The following ACSL3 variants were observed in gnomAD, a reference collection of about 807,000 sequenced individuals.
ACSL3 encodes fatty acid CoA ligase Acsl3.
In ACSL3, 34 loss-of-function variants were observed where a neutral mutation model predicts 84.7. That is an observed-to-expected ratio of 0.40 (90% CI 0.31 to 0.53). The LOEUF is 0.53. Ranked by LOEUF, ACSL3 falls within the 20% of genes least tolerant of loss-of-function variation. The pLI is 0.48. For synonymous variants in ACSL3, 315 were observed against 299.4 expected (o/e 1.05, Z -0.54); for missense variants, 680 against 873.1 (o/e 0.78, Z 2.79).
intron 4 of ACSL3, among the ~76,000 whole-genome samples, chr2:222,911,292 G>A (rs1452221431): frequency 3.9e-5 from 6 of 152,108 alleles, no homozygotes; most frequent in South Asian, 2.1e-4. Context: ...CAGGTGATCC[G>A]CCCACCTCGG....
At chr2:222,866,078 A>G (rs1444938175) in intron 1 of ACSL3, among the ~76,000 whole-genome samples, 1 of 152,216 alleles carries the variant, frequency 6.6e-6, no homozygotes, top group Non-Finnish European at 1.5e-5. Context: ...AATAAGGATA[A>G]TAGCCAACAC....
intron 16 of ACSL3, 61 bp downstream of exon 16, chr2:222,934,748 T>G: frequency 6.5e-7 from 1 of 1,544,600 alleles, no homozygotes; most frequent in Non-Finnish European, 8.8e-7. Context: ...TTACATGCAT[T>G]CAACCTGTTT....
rs754373676 is a variant in ACSL3, at chr2:222,941,596, G to A, written c.2105G>A (p.Arg702His). 3 of 1,613,208 alleles carry A rather than the reference G, an allele frequency of 1.9e-6. No homozygotes were observed. The highest frequency in any genetic ancestry group is 2.5e-6 in the Non-Finnish European group (3 of 1,179,744). ...GLVTDAFKLK[R>H]KELKTHYQAD... ...GTGACAGATGCCTTCAAGCTGAAAC[G>A]CAAAGAGCTTAAAACACATTACCAG... The change falls in exon 17 of 17, where the codon CGC becomes CAC. Residue 702 changes from arginine to histidine, a missense_variant. Transcript: ENST00000357430.
At chr2:222,922,944 GC>G in intron 9 of ACSL3, 113 bp downstream of exon 9, 1 of 1,453,340 alleles carries the variant, frequency 6.9e-7, no homozygotes, top group South Asian at 1.2e-5. Flanking sequence ...TTTAAAATGA[GC>G]TTTAGCCTTT....
chr2:222,867,848 T>C (rs1191011374), intron 1 of ACSL3, among the ~76,000 whole-genome samples: 1 of 152,152 alleles, frequency 6.6e-6, no homozygotes, highest in Non-Finnish European at 1.5e-5. Flanking sequence ...TGTCTCGGCC[T>C]TCCTCTAATC....
At position 222,927,300 on chromosome 2, in the gene ACSL3, G is replaced by C. The variant is rs1053820521; in HGVS notation, c.1465+111G>C. The stretch of plus-strand genomic sequence containing the variant: ...AGAGTAGTAAGGTGTTTGTGAGGCA[G>C]AATAATGGTGGATTCCAAGTACTAT... On this transcript the variant is annotated intron_variant, in intron 12 of 16. Coordinates refer to ENST00000357430, the MANE Select transcript of ACSL3 (RefSeq NM_004457.5). 6 of 1,068,496 alleles carry C rather than the reference G, an allele frequency of 5.6e-6. No individual in the cohort carries two copies. In the African/African-American group the frequency reaches 7.9e-5, roughly 14 times the overall value. 66.2% of individuals were successfully genotyped at this position (1,068,496 alleles called of 1,614,324 possible).
At position 222,906,922 on chromosome 2, in the gene ACSL3, G is replaced by GT. The variant is rs565505453; in HGVS notation, c.-40-1806dup. 1.8e-4 allele frequency among the ~76,000 whole-genome samples: 28 copies of GT among 152,292 alleles called. No individual in the cohort carries two copies. The South Asian group carries it at 5.8e-3, about 32-fold the overall frequency. ...ATTGCTTACCACCAATGTCTGTGTT[G>GT]TTTTTGACAGTGCCATTAGGCATGA... On this transcript the variant is annotated intron_variant, in intron 3 of 16. Transcript: ENST00000357430.
intron 2 of ACSL3, among the ~76,000 whole-genome samples, chr2:222,888,924 G>A (rs911969571): frequency 2.6e-5 from 4 of 152,096 alleles, no homozygotes; most frequent in African/African-American, 7.2e-5. Flanking sequence ...AGGGATATAC[G>A]TGATCAAATT....
rs752633642 is a variant in ACSL3 at position 222,919,156 on chromosome 2, G to C, written c.759G>C (p.Val253=). The C allele has an allele frequency of 1.2e-6, 2 of 1,614,142 alleles. No homozygotes were observed. Among genetic ancestry groups the C allele is most frequent in the Non-Finnish European group, 1.7e-6 (2 of 1,180,016 alleles). The change falls in exon 7 of 17, where the codon GTG becomes GTC. Residue 253 remains valine, a synonymous_variant. Transcript: ENST00000357430. ...TWSEFPKGII[V]HTMAAVEALG... ...CCGAGTTCCCCAAGGGCATCATTGT[G>C]CATACCATGGCTGCAGTGGAGGCCC...
chr2:222,932,486 G>A (rs1200637065), intron 14 of ACSL3, among the ~76,000 whole-genome samples: 2 of 152,032 alleles, frequency 1.3e-5, no homozygotes, highest in Non-Finnish European at 1.5e-5. Context: ...GCACCACCAC[G>A]CCCAGCTAGT....
intron 3 of ACSL3, among the ~76,000 whole-genome samples, chr2:222,901,851 A>G (rs1696159543): frequency 6.6e-6 from 1 of 150,808 alleles, no homozygotes; most frequent in South Asian, 2.1e-4. Context: ...AGGCTGAGGC[A>G]GGAGAATCAC....
chr2:222,928,110 CTTTCA>C (rs1696929184), intron 12 of ACSL3, among the ~76,000 whole-genome samples: 1 of 152,064 alleles, frequency 6.6e-6, no homozygotes, highest in South Asian at 2.1e-4. Context: ...AAATATCAGC[CTTTCA>C]TTTCTGATAT....
At chr2:222,866,795 A>G (rs924437483) in intron 1 of ACSL3, among the ~76,000 whole-genome samples, 2 of 99,984 alleles carry the variant, frequency 2.0e-5, no homozygotes, top group East Asian at 7.2e-4. Flanking sequence ...GGAAATCATA[A>G]GGAAATTGAG....
At chr2:222,914,366 TG>T (rs1696522683) in intron 4 of ACSL3, among the ~76,000 whole-genome samples, 1 of 151,770 alleles carries the variant, frequency 6.6e-6, no homozygotes, top group Admixed American at 6.6e-5. Flanking sequence ...TGGGGTCAGG[TG>T]ATCCTTTTGC....
chr2:222,939,232 G>C (rs922045567), intron 16 of ACSL3, among the ~76,000 whole-genome samples: 8 of 151,998 alleles, frequency 5.3e-5, no homozygotes, highest in Admixed American at 2.0e-4. Flanking sequence ...ACCTTTCTCT[G>C]TCTTACAGTC....
At chr2:222,886,822 A>G (rs535219268) in intron 1 of ACSL3, among the ~76,000 whole-genome samples, 7 of 152,174 alleles carry the variant, frequency 4.6e-5, no homozygotes, top group African/African-American at 1.7e-4. Context: ...GATTTCTCAT[A>G]TACCCCTTCC....
At position 222,943,214 on chromosome 2, in the gene ACSL3, T is replaced by C. The variant is rs1168829235; in HGVS notation, c.*1560T>C. ...ATCACAAACATCGTATGTGGAGACA[T>C]TGCAATACAGTGTTTTTTGTTTTCA... On this transcript the variant is annotated 3_prime_UTR_variant, in exon 17 of 17. Transcript: ENST00000357430. The C allele has an allele frequency of 2.3e-5, 5 of 221,442 alleles. No homozygotes were observed. Among genetic ancestry groups the C allele is most frequent in the Non-Finnish European group, 4.5e-5 (5 of 111,306 alleles). 13.7% of individuals were successfully genotyped at this position (221,442 alleles called of 1,614,324 possible).
At chr2:222,918,989 T>C (rs1696657352) in intron 6 of ACSL3, 75 bp from the exon 7 acceptor site, 5 of 1,540,600 alleles carry the variant, frequency 3.2e-6, no homozygotes, top group Non-Finnish European at 4.4e-6. Context: ...ATTCACCGAA[T>C]ATGGTAAACT....
chr2:222,872,271 C>G (rs1392751106), intron 1 of ACSL3, among the ~76,000 whole-genome samples: 1 of 151,918 alleles, frequency 6.6e-6, no homozygotes, highest in African/African-American at 2.4e-5. Context: ...ATTACAGGTG[C>G]CCACCACCAC....
Sources: gnomAD v4.1 joint callset for allele counts (sites outside exome capture counted in the v4.1 genomes callset) on GRCh38, gnomAD v4.1.1 for gene constraint, MANE v1.5 for transcripts, NCBI Gene and HGNC (gene_info 2026-07-23, HGNC 2026-07-21) for gene names.